SEPTIN5: variants seen among roughly 807,000 people sequenced by gnomAD.
SEPTIN5 encodes the protein septin-5.
A neutral mutation model predicts 51.2 loss-of-function variants in SEPTIN5; 16 were observed. The observed-to-expected ratio is 0.31, with a 90% CI of 0.21 to 0.47. The LOEUF (loss-of-function observed/expected upper bound fraction) is 0.47. Among genes scored for constraint, SEPTIN5 ranks in the 20% least tolerant of loss-of-function variants. SEPTIN5 has a pLI of 0.99. For synonymous variants in SEPTIN5, 208 were observed against 191.2 expected, an observed-to-expected ratio of 1.09 and a Z score of -0.72; for missense variants, 376 against 500.3, an observed-to-expected ratio of 0.75 and a Z score of 2.37.
chr22:19,720,052 C>T, intron 4 of SEPTIN5, 63 bp from the exon 5 acceptor site: 1 of 1,610,404 alleles, frequency 6.2e-7, no homozygotes, highest in Admixed American at 1.7e-5. Flanking sequence ...GACGAGGGTC[C>T]TGGCTGCCAA....
chr22:19,714,806 C>A lies in SEPTIN5; in HGVS notation c.54+15C>A. ...AGGACAAGCAGGTACGTGCGCAGCGCCGCTCCCCCGCCGGGAGACCCGGCC... is the reference window on the plus strand; with the variant it reads ...AGGACAAGCAGGTACGTGCGCAGCGACGCTCCCCCGCCGGGAGACCCGGCC... On this transcript the variant is annotated intron_variant, in intron 2 of 11. Transcript: ENST00000455784. The surrounding 1 kb of genome is among the most constrained non-coding windows in gnomAD (Gnocchi z 5.2). The A allele has an allele frequency of 6.3e-7, 1 of 1,593,222 alleles. No homozygotes were observed. Among genetic ancestry groups the A allele is most frequent in the Non-Finnish European group, 8.5e-7 (1 of 1,176,072 alleles).
chr22:19,717,340 A>G lies in SEPTIN5; in HGVS notation c.55-2262A>G, dbSNP rs113209866. 2.1e-4 allele frequency: 100 copies of G among 470,674 alleles called. 1 individual carries two copies. Among genetic ancestry groups the G allele is most frequent in the Non-Finnish European group, 1.6e-4 (37 of 227,032 alleles). 29.2% of individuals were successfully genotyped at this position (470,674 alleles called of 1,614,324 possible). On this transcript the variant is annotated intron_variant, in intron 2 of 11. Transcript: ENST00000455784. ...CTGGGGTCATGGAGGTGGGTGGCCC[A>G]CAGAGCGGAGCTCGGGAGACCCCCG...
Position 19,723,065 on chromosome 22 carries a change from C to G in SEPTIN5, c.*581C>G, listed in dbSNP as rs1177082690. The stretch of plus-strand genomic sequence containing the variant: ...GGTCGTGACCGCTTACACCCCTTCT[C>G]CACAGCCCGGCCCGACCTGGAGGGC... On this transcript the variant is annotated 3_prime_UTR_variant, in exon 12 of 12. Coordinates refer to ENST00000455784, the MANE Select transcript of SEPTIN5 (RefSeq NM_002688.6). 5.9e-6 allele frequency: 3 copies of G among 510,714 alleles called. No individual in the cohort carries two copies. Among genetic ancestry groups the G allele is most frequent in the Admixed American group, 4.8e-5 (2 of 41,356 alleles). The allele number at this position is 510,714 out of a possible 1,614,324, so 31.6% of individuals were successfully genotyped here. A position where few individuals can be genotyped will look rare whatever the true frequency, so the allele number is the denominator to read the frequency against.
rs943721964 is a variant in SEPTIN5, at chr22:19,723,018, G to A, written c.*534G>A. On this transcript the variant is annotated 3_prime_UTR_variant, in exon 12 of 12. Coordinates refer to ENST00000455784, the MANE Select transcript of SEPTIN5 (RefSeq NM_002688.6). ...AATGGGAGCCCTCCAGACATAAGGAGGCCAGAGGCTGCAAGGAGCGGGGTC... is the reference window on the plus strand; with the variant it reads ...AATGGGAGCCCTCCAGACATAAGGAAGCCAGAGGCTGCAAGGAGCGGGGTC... 1 of 459,492 alleles carries A rather than the reference G, an allele frequency of 2.2e-6. No individual in the cohort carries two copies. Among genetic ancestry groups the A allele is most frequent in the African/African-American group, 1.9e-5 (1 of 51,398 alleles). The allele number at this position is 459,492 out of a possible 1,614,324, so 28.5% of individuals were successfully genotyped here.
intron 2 of SEPTIN5, chr22:19,718,673 G>A (rs762831648): frequency 8.6e-6 from 11 of 1,284,596 alleles, no homozygotes; most frequent in Non-Finnish European, 1.1e-5. Flanking sequence ...CGCTGTCGCC[G>A]GGCTCTGGCG....
Position 19,720,152 on chromosome 22 carries a change from G to T in SEPTIN5, c.276G>T (p.Thr92=). ...AGACGGTAGAGATTCTAAAACACAC[G>T]GTGGACATTGAGGAGAAGGGAGTCA... is the stretch of plus-strand genomic sequence containing the variant. ...ISQTVEILKH[T]VDIEEKGVKL... Residue 92 remains threonine, a synonymous_variant, in exon 5 of 12, where the codon ACG becomes ACT. Coordinates refer to ENST00000455784, the MANE Select transcript of SEPTIN5 (RefSeq NM_002688.6). 2 of 1,613,406 alleles carry T rather than the reference G, an allele frequency of 1.2e-6. No individual in the cohort carries two copies. The highest frequency in any genetic ancestry group is 1.7e-6 in the Non-Finnish European group (2 of 1,180,014).
At position 19,723,000 on chromosome 22, in the gene SEPTIN5, G is replaced by A. The variant is rs1474284097; in HGVS notation, c.*516G>A. 9.0e-6 allele frequency: 4 copies of A among 446,754 alleles called. No homozygotes were observed. The highest frequency in any genetic ancestry group is 1.7e-5 in the Non-Finnish European group (4 of 236,266). The allele number at this position is 446,754 out of a possible 1,614,324, so 27.7% of individuals were successfully genotyped here. The stretch of plus-strand genomic sequence containing the variant: ...CAGGGTTGGGCTGAATCAAATGGGA[G>A]CCCTCCAGACATAAGGAGGCCAGAG... On this transcript the variant is annotated 3_prime_UTR_variant, in exon 12 of 12. Coordinates refer to ENST00000455784, the MANE Select transcript of SEPTIN5 (RefSeq NM_002688.6).
At chr22:19,721,075 G>T (rs1601243636) in intron 8 of SEPTIN5, among the ~76,000 whole-genome samples, 2 of 152,190 alleles carry the variant, frequency 1.3e-5, no homozygotes, top group Admixed American at 6.5e-5. Flanking sequence ...GCCTGGCTGG[G>T]GTGGGTCATG....
In SEPTIN5 at chr22:19,722,945, G is replaced by C. The variant is rs1404373230; in HGVS notation, c.*461G>C. On this transcript the variant is annotated 3_prime_UTR_variant, in exon 12 of 12. Transcript: ENST00000455784. Reference sequence around the variant, plus strand: ...CCCATTTTCTGTCGAGGCGGGCCGAGTCTTCCCTTATCCCCAGACGCCTAG... The same window carrying C: ...CCCATTTTCTGTCGAGGCGGGCCGACTCTTCCCTTATCCCCAGACGCCTAG... 1 of 441,842 alleles carries C rather than the reference G, an allele frequency of 2.3e-6. No individual in the cohort carries two copies. Among genetic ancestry groups the C allele is most frequent in the Non-Finnish European group, 4.3e-6 (1 of 234,262 alleles). 27.4% of individuals were successfully genotyped at this position (441,842 alleles called of 1,614,324 possible).
chr22:19,722,490 G>A lies in SEPTIN5; in HGVS notation c.*6G>A. On this transcript the variant is annotated 3_prime_UTR_variant, in exon 12 of 12. Coordinates refer to ENST00000455784, the MANE Select transcript of SEPTIN5 (RefSeq NM_002688.6). Reference sequence around the variant, plus strand: ...AGCAGATGCAGGACCAGTGACGCTCGCCGCGGACACACCGTCCGTCTCCGG... The same window carrying A: ...AGCAGATGCAGGACCAGTGACGCTCACCGCGGACACACCGTCCGTCTCCGG... The A allele has an allele frequency of 6.3e-7, 1 of 1,590,250 alleles. No homozygotes were observed. The highest frequency in any genetic ancestry group is 8.6e-7 in the Non-Finnish European group (1 of 1,168,586).
Position 19,723,190 on chromosome 22 carries a change from G to A in SEPTIN5, c.*706G>A. The A allele has an allele frequency of 1.7e-6, 1 of 593,532 alleles. No homozygotes were observed. Among genetic ancestry groups the A allele is most frequent in the East Asian group, 3.5e-5 (1 of 28,728 alleles). 36.8% of individuals were successfully genotyped at this position (593,532 alleles called of 1,614,324 possible). A position where few individuals can be genotyped will look rare whatever the true frequency, so the allele number is the denominator to read the frequency against. On this transcript the variant is annotated 3_prime_UTR_variant, in exon 12 of 12. Transcript: ENST00000455784. ...CTCCCCAGCACCGCTGTGGTGTGCC[G>A]GGATCCTGAGCCTAGGCCTCCCGAT...
At chr22:19,716,810 C>T (rs1371402587) in intron 2 of SEPTIN5, among the ~76,000 whole-genome samples, 1 of 152,192 alleles carries the variant, frequency 6.6e-6, no homozygotes, top group African/African-American at 2.4e-5. Context: ...AGGCCCAGGG[C>T]TGTCTGTCTT....
chr22:19,718,275 G>C (rs996177941), intron 2 of SEPTIN5: 1 of 465,536 alleles, frequency 2.1e-6, no homozygotes, highest in African/African-American at 2.1e-5. Context: ...GCGCGGCAGG[G>C]CTCCCGGTCC....
In SEPTIN5 at chr22:19,723,056, A is replaced by T; in HGVS notation, c.*572A>T. On this transcript the variant is annotated 3_prime_UTR_variant, in exon 12 of 12. Coordinates refer to ENST00000455784, the MANE Select transcript of SEPTIN5 (RefSeq NM_002688.6). ...AAGGAGCGGGGTCGTGACCGCTTAC[A>T]CCCCTTCTCCACAGCCCGGCCCGAC... 1 of 498,930 alleles carries T rather than the reference A, an allele frequency of 2.0e-6. No individual in the cohort carries two copies. Among genetic ancestry groups the T allele is most frequent in the Non-Finnish European group, 3.8e-6 (1 of 260,550 alleles). The allele number at this position is 498,930 out of a possible 1,614,324, so 30.9% of individuals were successfully genotyped here.
chr22:19,719,140 C>T (rs898833039), intron 2 of SEPTIN5: 2 of 245,788 alleles, frequency 8.1e-6, no homozygotes, highest in Non-Finnish European at 1.5e-5. Context: ...GCTCCGCCAC[C>T]GCCGCTGCCG....
chr22:19,722,655 G>T lies in SEPTIN5; in HGVS notation c.*171G>T. ...TGTCTGTTTCCGAGGGGCCTGGACCGTAGCCCCCGCCCAGCTGGCCCTCTC... is the reference window on the plus strand; with the variant it reads ...TGTCTGTTTCCGAGGGGCCTGGACCTTAGCCCCCGCCCAGCTGGCCCTCTC... On this transcript the variant is annotated 3_prime_UTR_variant, in exon 12 of 12. Transcript: ENST00000455784. The T allele has an allele frequency of 1.4e-6, 1 of 728,184 alleles. No individual in the cohort carries two copies. The highest frequency in any genetic ancestry group is 1.8e-5 in the South Asian group (1 of 55,006). The allele number at this position is 728,184 out of a possible 1,614,324, so 45.1% of individuals were successfully genotyped here. A position where few individuals can be genotyped will look rare whatever the true frequency, so the allele number is the denominator to read the frequency against.
chr22:19,719,463 C>T, intron 2 of SEPTIN5, 139 bp from the exon 3 acceptor site: 1 of 669,766 alleles, frequency 1.5e-6, no homozygotes, highest in Non-Finnish European at 2.5e-6. Context: ...ACGGGCCCTC[C>T]CCTTATTTTT....
rs377258227 is a variant in SEPTIN5 at position 19,722,383 on chromosome 22, C to T, written c.1053+44C>T. Reference sequence around the variant, plus strand: ...GCGGCGGAGGCGGGCGTCAGGGATGCTCCTCCGCGGTGCTGCTCACCCGCC... The same window carrying T: ...GCGGCGGAGGCGGGCGTCAGGGATGTTCCTCCGCGGTGCTGCTCACCCGCC... On this transcript the variant is annotated intron_variant, in intron 11 of 11. Transcript: ENST00000455784. 32 of 1,593,812 alleles carry T rather than the reference C, an allele frequency of 2.0e-5. No homozygotes were observed. The Middle Eastern group carries it at 6.6e-4, about 33-fold the overall frequency.
chr22:19,718,040 G>T (rs184607605), intron 2 of SEPTIN5: 1 of 152,446 alleles, frequency 6.6e-6, no homozygotes, highest in African/African-American at 2.4e-5. Flanking sequence ...GGAGGTTTTC[G>T]GGCAAGTCTG....
Sources: gnomAD v4.1 joint callset for allele counts (sites outside exome capture counted in the v4.1 genomes callset) on GRCh38, gnomAD v4.1.1 for gene constraint, Gnocchi (gnomAD v3.1) non-coding constraint, MANE v1.5 for transcripts, NCBI Gene and HGNC (gene_info 2026-07-23, HGNC 2026-07-21) for gene names.